The following KLHL2 variants were observed in gnomAD, a reference collection of about 807,000 sequenced individuals.
The protein encoded by KLHL2 is kelch like family member 2, also known as kelch-like protein 2.
In KLHL2, 15 loss-of-function variants were observed where a neutral mutation model predicts 75.8. The ratio of observed to expected loss-of-function variants is 0.20; its 90% CI spans 0.13 to 0.30. The LOEUF (loss-of-function observed/expected upper bound fraction) is 0.30. Ranked by LOEUF, KLHL2 falls within the 10% of genes least tolerant of loss-of-function variation. KLHL2 has a pLI of 1.00. For missense variants in KLHL2, 381 were observed against 741.0 expected (o/e 0.51, Z 5.64); for synonymous variants, 214 against 251.9 (o/e 0.85, Z 1.42).
chr4:165,255,984 A>AT (rs1263970811), intron 4 of KLHL2, among the ~76,000 whole-genome samples: 1 of 152,098 alleles, frequency 6.6e-6, no homozygotes, highest in Non-Finnish European at 1.5e-5. Flanking sequence ...TGGAATAAAT[A>AT]TGCAAGCTGA....
chr4:165,293,114 T>C (rs1160608209), intron 5 of KLHL2, among the ~76,000 whole-genome samples: 1 of 152,210 alleles, frequency 6.6e-6, no homozygotes, highest in Non-Finnish European at 1.5e-5. Flanking sequence ...TATGTCTGAA[T>C]CCGCAGCCCA....
intron 2 of KLHL2, chr4:165,223,893 G>T (rs1358966339): frequency 4.6e-6 from 2 of 439,490 alleles, no homozygotes; most frequent in Admixed American, 4.9e-5. Flanking sequence ...GGACAGAGAA[G>T]CAGACTGTAC....
intron 14 of KLHL2, among the ~76,000 whole-genome samples, chr4:165,320,927 A>G (rs1350783938): frequency 6.6e-6 from 1 of 152,222 alleles, no homozygotes; most frequent in Non-Finnish European, 1.5e-5. Context: ...CTCGACGGAG[A>G]TGAGTGCTTC....
chr4:165,317,697 A>G lies in KLHL2; in HGVS notation c.1610-129A>G, dbSNP rs1746687667. 1.1e-5 allele frequency: 8 copies of G among 697,160 alleles called. No individual in the cohort carries two copies. The East Asian group carries it at 2.2e-4, about 19-fold the overall frequency. The allele number at this position is 697,160 out of a possible 1,614,324, so 43.2% of individuals were successfully genotyped here. A position where few individuals can be genotyped will look rare whatever the true frequency, so the allele number is the denominator to read the frequency against. On this transcript the variant is annotated intron_variant, in intron 13 of 14. Transcript: ENST00000226725. ...TATAAAACGAATTCTTTTCATGCTC[A>G]CTATTTTCTCTTCTTGCCTCCTTTC...
At chr4:165,310,819 T>G (rs915821987) in intron 10 of KLHL2, 69 bp downstream of exon 10, 21 of 1,310,098 alleles carry the variant, frequency 1.6e-5, no homozygotes, top group Non-Finnish European at 2.2e-5. Flanking sequence ...ATGGAATAAA[T>G]TGTGGCAACA....
At chr4:165,261,628 C>G (rs1368819539) in intron 4 of KLHL2, among the ~76,000 whole-genome samples, 1 of 152,172 alleles carries the variant, frequency 6.6e-6, no homozygotes, top group Non-Finnish European at 1.5e-5. Flanking sequence ...CGTGAGCCAC[C>G]ACGCCTGACC....
intron 8 of KLHL2, among the ~76,000 whole-genome samples, chr4:165,303,022 A>G (rs1208987459): frequency 1.3e-5 from 2 of 152,206 alleles, no homozygotes; most frequent in African/African-American, 4.8e-5. Flanking sequence ...TTTGGTAGCC[A>G]CACAATGGTT....
chr4:165,316,156 T>C (rs145756346), intron 13 of KLHL2, among the ~76,000 whole-genome samples: 41 of 152,310 alleles, frequency 2.7e-4, no homozygotes, highest in African/African-American at 9.4e-4. Flanking sequence ...GTCTTCTGAA[T>C]GTATAGCTAA....
rs181004808 is a variant in KLHL2, at chr4:165,312,019, A to T, written c.1339+454A>T. Among the ~76,000 whole-genome samples, 891 of 152,196 alleles carry T rather than the reference A, an allele frequency of 5.9e-3. 10 individuals carry two copies. Among genetic ancestry groups the T allele is most frequent in the African/African-American group, 0.019 (770 of 41,530 alleles). On this transcript the variant is annotated intron_variant, in intron 11 of 14. Transcript: ENST00000226725. ...TGGGATGAAACTGTTCCCACCTCAGATCATCAGGCATTAGAGTGTCATAAG... is the reference window on the plus strand; with the variant it reads ...TGGGATGAAACTGTTCCCACCTCAGTTCATCAGGCATTAGAGTGTCATAAG...
rs28419265 is a variant in KLHL2 at position 165,225,504 on chromosome 4, T to A, written c.153-3303T>A. ...GAGGCGTTGTTTTCCTACAGTTTAT[T>A]CCCTCATTAGATTTCAAGTAATAGG... On this transcript the variant is annotated intron_variant, in intron 2 of 14. Transcript: ENST00000226725. Among the ~76,000 whole-genome samples the A allele has an allele frequency of 2.7e-3, 410 of 152,288 alleles. 1 individual carries two copies. The highest frequency in any genetic ancestry group is 9.5e-3 in the African/African-American group (394 of 41,556).
chr4:165,279,209 C>G (rs748046649), intron 5 of KLHL2: 2 of 1,544,776 alleles, frequency 1.3e-6, no homozygotes, highest in Non-Finnish European at 1.8e-6. Context: ...GAAGTAAGTG[C>G]TAAGTGGAAG....
chr4:165,219,486 T>C (rs1737816402), intron 1 of KLHL2, among the ~76,000 whole-genome samples: 1 of 152,270 alleles, frequency 6.6e-6, no homozygotes, highest in East Asian at 1.9e-4. Flanking sequence ...GGGGTTAATA[T>C]ATCCTGGCAG....
At chr4:165,299,291 C>T (rs1040323843) in intron 7 of KLHL2, among the ~76,000 whole-genome samples, 2 of 151,954 alleles carry the variant, frequency 1.3e-5, no homozygotes, top group Non-Finnish European at 2.9e-5. Flanking sequence ...CTTTTTATTA[C>T]CTATATATGT....
At chr4:165,304,432 C>T (rs1213860567) in intron 8 of KLHL2, among the ~76,000 whole-genome samples, 1 of 152,098 alleles carries the variant, frequency 6.6e-6, no homozygotes, top group South Asian at 2.1e-4. Flanking sequence ...TGAGTTACTC[C>T]ATATTCTGTT....
In KLHL2 at chr4:165,317,809, T is replaced by C; in HGVS notation, c.1610-17T>C. Reference sequence around the variant, plus strand: ...CAATTTTTTAAATAATTGTTTTCTCTCTGTAATTTTTTAAAGGAGTTTGTG... The same window carrying C: ...CAATTTTTTAAATAATTGTTTTCTCCCTGTAATTTTTTAAAGGAGTTTGTG... On this transcript the variant is annotated splice_polypyrimidine_tract_variant and intron_variant, in intron 13 of 14. Transcript: ENST00000226725. 1 of 1,598,582 alleles carries C rather than the reference T, an allele frequency of 6.3e-7. No individual in the cohort carries two copies. Among genetic ancestry groups the C allele is most frequent in the Non-Finnish European group, 8.6e-7 (1 of 1,169,522 alleles).
At chr4:165,252,822 A>G (rs1740846517) in intron 4 of KLHL2, among the ~76,000 whole-genome samples, 1 of 152,120 alleles carries the variant, frequency 6.6e-6, no homozygotes, top group Non-Finnish European at 1.5e-5. Flanking sequence ...TCTATTTGAA[A>G]ATTTATTTCA....
chr4:165,294,404 T>G lies in KLHL2; in HGVS notation c.590T>G (p.Leu197Arg). 6.2e-7 allele frequency: 1 copy of G among 1,612,490 alleles called. No individual in the cohort carries two copies. The change falls in exon 6 of 15, where the codon CTT (leucine) becomes CGT (arginine). Residue 197 changes from leucine to arginine, a missense_variant. Transcript: ENST00000226725. Reference sequence around the variant, plus strand: ...GTACTTAGTGAAGAATTTCTCAATCTTGGCATCGAACAAGTGTGCAGCTTA... The same window carrying G: ...GTACTTAGTGAAGAATTTCTCAATCGTGGCATCGAACAAGTGTGCAGCTTA... The part of the protein sequence containing the change: ...DVVLSEEFLN[L>R]GIEQVCSLIS...
At position 165,314,282 on chromosome 4, in the gene KLHL2, T is replaced by C. The variant is rs1465173705; in HGVS notation, c.1609+116T>C. 4.2e-6 allele frequency: 4 copies of C among 962,400 alleles called. No individual in the cohort carries two copies. In the East Asian group the frequency reaches 7.9e-5, roughly 19 times the overall value. The allele number at this position is 962,400 out of a possible 1,614,324, so 59.6% of individuals were successfully genotyped here. A position where few individuals can be genotyped will look rare whatever the true frequency, so the allele number is the denominator to read the frequency against. The stretch of plus-strand genomic sequence containing the variant: ...CCATTGTTCTTTTACTGATCTGGGT[T>C]CCCTGATAGACTCTGAACTCTTTAA... On this transcript the variant is annotated intron_variant, in intron 13 of 14. Coordinates refer to ENST00000226725, the MANE Select transcript of KLHL2 (RefSeq NM_007246.4).
intron 3 of KLHL2, among the ~76,000 whole-genome samples, chr4:165,235,049 C>T (rs771349128): frequency 2.6e-5 from 4 of 152,236 alleles, no homozygotes; most frequent in African/African-American, 9.6e-5. Flanking sequence ...GTGCTTGGCT[C>T]ACTCTGTAAT....
Sources: allele counts gnomAD v4.1 joint callset (sites outside exome capture counted in the v4.1 genomes callset), GRCh38; gene constraint gnomAD v4.1.1; transcripts MANE v1.5; gene names NCBI Gene and HGNC (gene_info 2026-07-23, HGNC 2026-07-21).